Variants in PTTG1 observed in about 807,000 individuals in gnomAD.
PTTG1 encodes securin.
PTTG1 carries 8 observed loss-of-function variants against 20.0 expected under a neutral mutation model. The ratio of observed to expected loss-of-function variants is 0.40; its 90% CI spans 0.23 to 0.72. The LOEUF is 0.72. Among genes scored for constraint, PTTG1 ranks in the 30% least tolerant of loss-of-function variants. The pLI, the probability that PTTG1 is intolerant of heterozygous loss-of-function variation, is 0.38. For synonymous variants in PTTG1, 79 were observed against 87.2 expected (o/e 0.91, Z 0.52); for missense variants, 197 against 236.0 (o/e 0.83, Z 1.08).
intron 4 of PTTG1, among the ~76,000 whole-genome samples, chr5:160,426,511 G>T (rs1765811915): frequency 6.6e-6 from 1 of 152,160 alleles, no homozygotes; most frequent in Non-Finnish European, 1.5e-5. Context: ...CCGTATCAAT[G>T]AGCATTTTGT....
intron 4 of PTTG1, among the ~76,000 whole-genome samples, chr5:160,427,382 G>A (rs531511346): frequency 1.3e-5 from 2 of 152,308 alleles, no homozygotes; most frequent in South Asian, 2.1e-4. Flanking sequence ...AGGATGGAGA[G>A]CTAATAAAAT....
At chr5:160,425,120 T>G (rs1765782570) in intron 4 of PTTG1, among the ~76,000 whole-genome samples, 1 of 152,248 alleles carries the variant, frequency 6.6e-6, no homozygotes, top group African/African-American at 2.4e-5. Flanking sequence ...GAGCTGGATC[T>G]TTTACCCTTT....
Position 160,427,841 on chromosome 5 carries a change from C to G in PTTG1, c.497C>G (p.Pro166Arg). The G allele has an allele frequency of 6.2e-7, 1 of 1,614,224 alleles. No individual in the cohort carries two copies. The highest frequency in any genetic ancestry group is 1.7e-5 in the Admixed American group (1 of 60,028). ...CTGTTTCAGCTGGGCCCCCCTTCACCTGTGAAGATGCCCTCTCCACCATGG... is the reference window on the plus strand; with the variant it reads ...CTGTTTCAGCTGGGCCCCCCTTCACGTGTGAAGATGCCCTCTCCACCATGG... ...EKLFQLGPPSPVKMPSPPWES... is the reference protein window; with the variant it reads ...EKLFQLGPPSRVKMPSPPWES... Residue 166 changes from proline to arginine, a missense_variant, in exon 5 of 6, where the codon CCT (proline) becomes CGT (arginine). By Grantham distance (103) the Pro-to-Arg change is moderately radical. Transcript: ENST00000352433.
rs749845133 is a variant in PTTG1 at position 160,427,733 on chromosome 5, T to C, written c.389T>C (p.Leu130Pro). The change falls in exon 5 of 6, where the codon CTG (leucine) becomes CCG (proline). Residue 130 changes from leucine (L) to proline (P), a missense_variant. Transcript: ENST00000352433. ...GTAACAGACTTTGAGAGTTTTGACC[T>C]GCCTGAAGAGCACCAGATTGCGCAC... is the stretch of plus-strand genomic sequence containing the variant. The part of the protein sequence containing the change: ...FNPLDFESFD[L>P]PEEHQIAHLP... The C allele has an allele frequency of 2.5e-6, 4 of 1,613,940 alleles. No individual in the cohort carries two copies. The South Asian group carries it at 4.4e-5, about 18-fold the overall frequency.
chr5:160,422,106 G>C (rs937383171), intron 1 of PTTG1, 196 bp from the exon 2 acceptor site: 5 of 522,800 alleles, frequency 9.6e-6, no homozygotes, highest in African/African-American at 5.8e-5. Flanking sequence ...CGCGCTGCTC[G>C]GGACCTTAGA....
chr5:160,427,640 G>A (rs1330630369), intron 4 of PTTG1, 75 bp from the exon 5 acceptor site: 2 of 1,505,224 alleles, frequency 1.3e-6, no homozygotes, highest in African/African-American at 2.8e-5. Flanking sequence ...CCCTCAAAGG[G>A]TCTCAGACCA....
chr5:160,426,758 T>G (rs1024947330), intron 4 of PTTG1, among the ~76,000 whole-genome samples: 1 of 152,148 alleles, frequency 6.6e-6, no homozygotes, highest in Non-Finnish European at 1.5e-5. Flanking sequence ...AAATTCCTTT[T>G]TTTGGCCAGA....
At chr5:160,426,226 CAT>C (rs745610678) in intron 4 of PTTG1, among the ~76,000 whole-genome samples, 3 of 151,616 alleles carry the variant, frequency 2.0e-5, no homozygotes, top group Non-Finnish European at 2.9e-5. Context: ...TTTTTTTTAA[CAT>C]AAAATATTTT....
At chr5:160,424,903 G>C (rs1765779453) in intron 4 of PTTG1, 1 of 152,216 alleles carries the variant, frequency 6.6e-6, no homozygotes, top group Admixed American at 6.5e-5. Flanking sequence ...CCTGCCTATG[G>C]GAGCCCATAA....
intron 5 of PTTG1, 42 bp downstream of exon 5, chr5:160,427,915 T>C: frequency 1.2e-6 from 2 of 1,612,512 alleles, no homozygotes; most frequent in Non-Finnish European, 1.7e-6. Flanking sequence ...GCAAACAATT[T>C]GTTTCATAAC....
At chr5:160,428,546 A>G (rs970820880) in intron 5 of PTTG1, 56 bp from the exon 6 acceptor site, 174 of 1,460,268 alleles carry the variant, frequency 1.2e-4, no homozygotes, top group Non-Finnish European at 1.5e-4. Context: ...CTATGTTGAT[A>G]TGGACAATGA....
At chr5:160,422,614 G>A (rs1408124468) in intron 2 of PTTG1, 95 bp from the exon 3 acceptor site, 3 of 1,444,168 alleles carry the variant, frequency 2.1e-6, no homozygotes, top group African/African-American at 2.8e-5. Flanking sequence ...TGGGGGGTGG[G>A]TTTGGGGGTG....
Position 160,424,345 on chromosome 5 carries a change from A to G in PTTG1, c.370+15A>G. 6.4e-7 allele frequency: 1 copy of G among 1,555,360 alleles called. No individual in the cohort carries two copies. The highest frequency in any genetic ancestry group is 8.8e-7 in the Non-Finnish European group (1 of 1,132,656). ...CAATCCTCTAGGTAGTATCTTTTGC[A>G]ATTGCGAAAAGTGCTTTTGGCCTTT... On this transcript the variant is annotated intron_variant, in intron 4 of 5. Transcript: ENST00000352433.
At chr5:160,423,869 T>C (rs1765762297) in intron 3 of PTTG1, among the ~76,000 whole-genome samples, 2 of 152,170 alleles carry the variant, frequency 1.3e-5, no homozygotes, top group Admixed American at 6.5e-5. Flanking sequence ...TAATTTAAGG[T>C]AACACTTGTG....
In PTTG1 at chr5:160,422,697, C is replaced by A. The variant is rs1214525082; in HGVS notation, c.92-12C>A. On this transcript the variant is annotated splice_polypyrimidine_tract_variant and intron_variant, in intron 2 of 5. Coordinates refer to ENST00000352433, the MANE Select transcript of PTTG1 (RefSeq NM_004219.4). ...CTGCTGGAATATTCTTATGGTAAGA[C>A]TTTTTCTTCAGCAATCAAAGCCTTA... 3 of 1,613,726 alleles carry A rather than the reference C, an allele frequency of 1.9e-6. No homozygotes were observed. The highest frequency in any genetic ancestry group is 2.7e-5 in the African/African-American group (2 of 74,888).
intron 4 of PTTG1, among the ~76,000 whole-genome samples, chr5:160,425,104 A>G (rs1765782322): frequency 6.6e-6 from 1 of 152,180 alleles, no homozygotes; most frequent in Non-Finnish European, 1.5e-5. Context: ...GGCCTTACGG[A>G]TTTCTGAGCT....
Position 160,422,718 on chromosome 5 carries a change from C to T in PTTG1, c.101C>T (p.Ala34Val). ...LKLGSGPSIK[A>V]LDGRSQVSTP... ...AAGACTTTTTCTTCAGCAATCAAAG[C>T]CTTAGATGGGAGATCTCAAGTTTCA... The change falls in exon 3 of 6, where the codon GCC becomes GTC. Residue 34 changes from alanine to valine, a missense_variant. Coordinates refer to ENST00000352433, the MANE Select transcript of PTTG1 (RefSeq NM_004219.4). The T allele has an allele frequency of 6.2e-7, 1 of 1,614,010 alleles. No homozygotes were observed. The highest frequency in any genetic ancestry group is 8.5e-7 in the Non-Finnish European group (1 of 1,179,988).
intron 3 of PTTG1, among the ~76,000 whole-genome samples, chr5:160,423,836 G>C (rs1256864940): frequency 6.6e-6 from 1 of 152,168 alleles, no homozygotes; most frequent in Non-Finnish European, 1.5e-5. Context: ...ACACAAACTT[G>C]TTTTTAATAT....
chr5:160,425,119 C>T (rs978952062), intron 4 of PTTG1, among the ~76,000 whole-genome samples: 1 of 152,158 alleles, frequency 6.6e-6, no homozygotes. Flanking sequence ...TGAGCTGGAT[C>T]TTTTACCCTT....
Sources: gnomAD v4.1 joint callset for allele counts (sites outside exome capture counted in the v4.1 genomes callset) on GRCh38, gnomAD v4.1.1 for gene constraint, MANE v1.5 for transcripts, NCBI Gene and HGNC (gene_info 2026-07-23, HGNC 2026-07-21) for gene names.